The following MITF variants were observed in gnomAD, a reference collection of about 807,000 sequenced individuals.
MITF encodes melanocyte inducing transcription factor, also known as microphthalmia-associated transcription factor.
A neutral mutation model predicts 60.5 loss-of-function variants in MITF; 17 were observed. The observed-to-expected ratio is 0.28, with a 90% confidence interval of 0.19 to 0.42. The LOEUF is 0.42. Ranked by LOEUF, MITF falls within the 10% of genes least tolerant of loss-of-function variation. The probability of loss-of-function intolerance (pLI) is 1.00; values close to 1 mark genes in which losing one functional copy is unlikely to be tolerated. For missense variants in MITF, 622 were observed against 683.5 expected (o/e 0.91, Z 1.00); for synonymous variants, 260 against 248.5 (o/e 1.05, Z -0.43).
At chr3:69,844,973 T>C (rs542926163) in intron 1 of MITF, among the ~76,000 whole-genome samples, 58 of 152,284 alleles carry the variant, frequency 3.8e-4, no homozygotes, top group Admixed American at 2.1e-3. Flanking sequence ...GTTTTACTTT[T>C]TTTAATTTTA....
At chr3:69,844,797 A>G (rs1226477064) in intron 1 of MITF, among the ~76,000 whole-genome samples, 1 of 152,080 alleles carries the variant, frequency 6.6e-6, no homozygotes, top group African/African-American at 2.4e-5. Flanking sequence ...AAGAAAAACT[A>G]TTTTCCAGCA....
At chr3:69,895,808 TTGTGTGTGTG>T (rs35088149) in intron 2 of MITF, among the ~76,000 whole-genome samples, 157 of 140,144 alleles carry the variant, frequency 1.1e-3, no homozygotes, top group African/African-American at 3.6e-3. Context: ...TGTGGAGTGT[TTGTGTGTGTG>T]TGTGTGTGTG....
At chr3:69,796,656 G>A (rs979393889) in intron 1 of MITF, among the ~76,000 whole-genome samples, 20 of 151,186 alleles carry the variant, frequency 1.3e-4, no homozygotes, top group African/African-American at 2.9e-4. Flanking sequence ...ACAGGCGCCC[G>A]CCACCGCGCC....
At chr3:69,875,848 G>A (rs1319319300) in intron 1 of MITF, among the ~76,000 whole-genome samples, 1 of 152,192 alleles carries the variant, frequency 6.6e-6, no homozygotes, top group Non-Finnish European at 1.5e-5. Flanking sequence ...TGAGAATCTG[G>A]GAGTCATCTT....
chr3:69,857,301 G>C (rs916370125), intron 1 of MITF, among the ~76,000 whole-genome samples: 5 of 152,028 alleles, frequency 3.3e-5, no homozygotes, highest in Non-Finnish European at 5.9e-5. Flanking sequence ...CTCCAGACCT[G>C]TGGCACATTA....
chr3:69,875,284 G>T (rs2107262858), intron 1 of MITF, among the ~76,000 whole-genome samples: 1 of 152,238 alleles, frequency 6.6e-6, no homozygotes, highest in African/African-American at 2.4e-5. Flanking sequence ...TTGTCTCTCT[G>T]CCCATCGGCT....
chr3:69,856,326 C>T (rs2063918308), intron 1 of MITF, among the ~76,000 whole-genome samples: 1 of 151,962 alleles, frequency 6.6e-6, no homozygotes, highest in Admixed American at 6.6e-5. Flanking sequence ...ACATGGAAGC[C>T]ACGAATGGAA....
At chr3:69,900,272 G>A (rs985913253) in intron 2 of MITF, among the ~76,000 whole-genome samples, 4 of 151,912 alleles carry the variant, frequency 2.6e-5, no homozygotes, top group South Asian at 2.1e-4. Flanking sequence ...TGTTGCAGCC[G>A]GTTTATTTTT....
chr3:69,894,577 T>C (rs904069404), intron 2 of MITF, among the ~76,000 whole-genome samples: 1 of 150,736 alleles, frequency 6.6e-6, no homozygotes, highest in African/African-American at 2.4e-5. Context: ...TCCCTGCTAC[T>C]GGGGAGGCTG....
rs767688246 is a variant in MITF, at chr3:69,879,478, T to A, written c.354+95T>A. 4.6e-5 allele frequency: 72 copies of A among 1,574,918 alleles called. No homozygotes were observed. The Middle Eastern group carries it at 8.9e-4, about 19-fold the overall frequency. On this transcript the variant is annotated intron_variant, in intron 2 of 9. Transcript: ENST00000352241. ...TATCTGAATATGTATTTTGTTAGAC[T>A]GACCCTTCAGAATTATATTTGAAAA...
intron 7 of MITF, among the ~76,000 whole-genome samples, chr3:69,955,578 C>G (rs992205732): frequency 6.6e-6 from 1 of 152,066 alleles, no homozygotes; most frequent in African/African-American, 2.4e-5. Context: ...CTTTGGGAGG[C>G]TGAGGCGGAT....
rs111967136 is a variant in MITF at position 69,885,332 on chromosome 3, G to A, written c.354+5949G>A. The stretch of plus-strand genomic sequence containing the variant: ...CTGTTAGAGGAGGCTATACTAATAG[G>A]TGCAGTCTCCTTTCATTTACACAGT... On this transcript the variant is annotated intron_variant, in intron 2 of 9. Transcript: ENST00000352241. 8.4e-3 allele frequency among the ~76,000 whole-genome samples: 1,278 copies of A among 152,154 alleles called. 13 individuals carry two copies. The highest frequency in any genetic ancestry group is 0.028 in the African/African-American group (1,150 of 41,516).
intron 2 of MITF, among the ~76,000 whole-genome samples, chr3:69,916,380 G>T (rs566818765): frequency 1.9e-3 from 282 of 152,146 alleles, no homozygotes; most frequent in African/African-American, 6.6e-3. Context: ...TGTATTTGGG[G>T]CTTCAGAACC....
chr3:69,772,261 A>G (rs1452898172), intron 1 of MITF, among the ~76,000 whole-genome samples: 1 of 152,104 alleles, frequency 6.6e-6, no homozygotes, highest in South Asian at 2.1e-4. Flanking sequence ...ATTTTTGGGC[A>G]CTCTTAATAT....
intron 2 of MITF, among the ~76,000 whole-genome samples, chr3:69,908,627 T>G (rs978118449): frequency 6.6e-6 from 1 of 152,232 alleles, no homozygotes; most frequent in Non-Finnish European, 1.5e-5. Flanking sequence ...CAACCTTTGA[T>G]GAACATGTGG....
intron 2 of MITF, among the ~76,000 whole-genome samples, chr3:69,880,435 T>C (rs1199791407): frequency 6.6e-6 from 1 of 152,144 alleles, no homozygotes; most frequent in Non-Finnish European, 1.5e-5. Context: ...ACTTAAAATA[T>C]AGTGATGCAA....
At chr3:69,960,738 C>G (rs571356134) in intron 9 of MITF, among the ~76,000 whole-genome samples, 1 of 152,322 alleles carries the variant, frequency 6.6e-6, no homozygotes, top group Non-Finnish European at 1.5e-5. Flanking sequence ...GTATGACACC[C>G]TAGCGACCAT....
At chr3:69,929,438 T>G (rs1338915464) in intron 2 of MITF, among the ~76,000 whole-genome samples, 2 of 152,112 alleles carry the variant, frequency 1.3e-5, no homozygotes. Context: ...CTGTAGAATC[T>G]ACGTGGAGAA....
chr3:69,959,442 A>G (rs1233010974), intron 9 of MITF, 22 bp downstream of exon 9: 1 of 1,613,652 alleles, frequency 6.2e-7, no homozygotes. Context: ...GAGTTGTGTA[A>G]AGTTTACTGC....
Sources: allele counts gnomAD v4.1 joint callset (sites outside exome capture counted in the v4.1 genomes callset), GRCh38; gene constraint gnomAD v4.1.1; transcripts MANE v1.5; gene names NCBI Gene and HGNC (gene_info 2026-07-23, HGNC 2026-07-21).